FANCE: variants seen among roughly 807,000 people sequenced by gnomAD.
FANCE encodes FA complementation group E.
In FANCE, 42 loss-of-function variants were observed where a neutral mutation model predicts 57.8. The observed-to-expected ratio is 0.73, with a 90% CI of 0.57 to 0.94. The LOEUF (loss-of-function observed/expected upper bound fraction) is 0.94. Ranked by LOEUF, FANCE falls within the 40% of genes least tolerant of loss-of-function variation. FANCE has a pLI of 0.00. For missense variants in FANCE, 608 were observed against 661.8 expected (o/e 0.92, Z 0.89); for synonymous variants, 251 against 286.4 (o/e 0.88, Z 1.25).
chr6:35,458,230 TGA>T, intron 4 of FANCE, 65 bp from the exon 5 acceptor site: 1 of 1,592,864 alleles, frequency 6.3e-7, no homozygotes, highest in Admixed American at 1.7e-5. Flanking sequence ...TCCAGTTGCT[TGA>T]GACAGCCTAG....
At chr6:35,460,517 G>A (rs1165808590) in intron 7 of FANCE, 35 bp from the exon 8 acceptor site, 1 of 1,602,876 alleles carries the variant, frequency 6.2e-7, no homozygotes, top group African/African-American at 1.3e-5. Context: ...TGGGTGGGAG[G>A]CCAGGCATTT....
In FANCE at chr6:35,459,722, G is replaced by A. The variant is rs758380315; in HGVS notation, c.1278G>A (p.Met426Ile). The A allele has an allele frequency of 3.7e-5, 60 of 1,614,048 alleles. No individual in the cohort carries two copies. The South Asian group carries it at 6.1e-4, about 17-fold the overall frequency. ...AGTTACTGTGTTGCCTTGTGAAGAT[G>A]GAGTCCCTGGAGCCAGATGCACAGG... Reference protein sequence around the residue: ...QTELLCCLVKMESLEPDAQVL... With the variant: ...QTELLCCLVKIESLEPDAQVL... The change falls in exon 7 of 10, where the codon ATG becomes ATA. Residue 426 changes from methionine (M) to isoleucine (I), a missense_variant. Met to Ile is a conservative substitution (Grantham distance 10, BLOSUM62 1). Transcript: ENST00000229769.
chr6:35,463,028 C>T (rs1561794729), intron 9 of FANCE, 114 bp downstream of exon 9: 13 of 1,431,462 alleles, frequency 9.1e-6, no homozygotes, highest in South Asian at 8.1e-5. Flanking sequence ...TGGCCAGGCA[C>T]GGTGGCTCAC....
intron 1 of FANCE, 47 bp downstream of exon 1, chr6:35,452,840 C>A: frequency 7.8e-7 from 1 of 1,281,754 alleles, no homozygotes; most frequent in South Asian, 2.4e-5. Context: ...AGGCGGGGGG[C>A]TGTCGGGGGA....
chr6:35,463,934 G>A (rs6927202), intron 9 of FANCE, among the ~76,000 whole-genome samples: 21,863 of 152,040 alleles, frequency 0.14, 2,928 homozygotes, highest in African/African-American at 0.36. Flanking sequence ...AAAGTGCTGG[G>A]ATTACAGGCG....
At chr6:35,454,125 G>T (rs1421864104) in intron 1 of FANCE, among the ~76,000 whole-genome samples, 1 of 151,278 alleles carries the variant, frequency 6.6e-6, no homozygotes, top group Non-Finnish European at 1.5e-5. Context: ...GTGCAGTGGC[G>T]CAATCTTGGC....
At chr6:35,461,067 C>T (rs763260443) in intron 8 of FANCE, among the ~76,000 whole-genome samples, 2 of 152,044 alleles carry the variant, frequency 1.3e-5, no homozygotes, top group Non-Finnish European at 2.9e-5. Context: ...TACAGGCGTG[C>T]GCCACCACGC....
In FANCE at chr6:35,466,532, C is replaced by T; in HGVS notation, c.*187C>T. The T allele has an allele frequency of 1.6e-6, 1 of 630,276 alleles. No homozygotes were observed. Among genetic ancestry groups the T allele is most frequent in the Admixed American group, 2.6e-5 (1 of 38,776 alleles). The allele number at this position is 630,276 out of a possible 1,614,324, so 39.0% of individuals were successfully genotyped here. On this transcript the variant is annotated 3_prime_UTR_variant, in exon 10 of 10. Coordinates refer to ENST00000229769, the MANE Select transcript of FANCE (RefSeq NM_021922.3). ...TGGCTTCCCAGCCAGCAGGGAGGCTCCTGGGCTAAGGGAGCTCAGCTATAT... is the reference window on the plus strand; with the variant it reads ...TGGCTTCCCAGCCAGCAGGGAGGCTTCTGGGCTAAGGGAGCTCAGCTATAT...
chr6:35,464,208 T>G (rs1767709355), intron 9 of FANCE, among the ~76,000 whole-genome samples: 1 of 150,932 alleles, frequency 6.6e-6, no homozygotes, highest in South Asian at 2.1e-4. Flanking sequence ...TTAAATTTAA[T>G]TTTTCAAAAA....
rs1767333195 is a variant in FANCE at position 35,456,170 on chromosome 6, A to T, written c.672A>T (p.Glu224Asp). The change falls in exon 2 of 10, where the codon GAA becomes GAT. Residue 224 changes from glutamate to aspartate, a missense_variant. Coordinates refer to ENST00000229769, the MANE Select transcript of FANCE (RefSeq NM_021922.3). The surrounding 1 kb of genome is among the most constrained non-coding windows in gnomAD (Gnocchi z 4.3). The stretch of plus-strand genomic sequence containing the variant: ...TCCCCAAAAGATTACGGTGTTGGGA[A>T]GAGGAAGAAGATCATGAGAAGGAGA... ...KRVPKRLRCW[E>D]EEEDHEKERP... The T allele has an allele frequency of 6.2e-7, 1 of 1,614,196 alleles. No homozygotes were observed. Among genetic ancestry groups the T allele is most frequent in the Non-Finnish European group, 8.5e-7 (1 of 1,180,038 alleles).
rs1232848104 is a variant in FANCE at position 35,467,036 on chromosome 6, CCTT to C, written c.*694_*696del. The C allele has an allele frequency of 2.8e-5, 6 of 217,902 alleles. No individual in the cohort carries two copies. Among genetic ancestry groups the C allele is most frequent in the Admixed American group, 1.2e-4 (2 of 17,202 alleles). The allele number at this position is 217,902 out of a possible 1,614,324, so 13.5% of individuals were successfully genotyped here. ...GCTCTTGTGCTCATGTATATTATGACCTTCTGTGTTTTTGTTTCTGACTTGAAT... is the reference window on the plus strand; with the variant it reads ...GCTCTTGTGCTCATGTATATTATGACCTGTGTTTTTGTTTCTGACTTGAAT... On this transcript the variant is annotated 3_prime_UTR_variant, in exon 10 of 10. Transcript: ENST00000229769.
At chr6:35,457,446 C>T in intron 2 of FANCE, 110 bp from the exon 3 acceptor site, 1 of 1,212,264 alleles carries the variant, frequency 8.2e-7, no homozygotes, top group Non-Finnish European at 1.2e-6. Context: ...ATCATCTTTG[C>T]CAGCTAGCTC....
chr6:35,460,669 G>A (rs1044357468), intron 8 of FANCE, 51 bp downstream of exon 8: 5 of 1,533,442 alleles, frequency 3.3e-6, no homozygotes, highest in African/African-American at 2.7e-5. Flanking sequence ...TGCAGTCCTT[G>A]GAAGCACACG....
intron 8 of FANCE, 36 bp from the exon 9 acceptor site, chr6:35,462,753 T>C: frequency 6.2e-7 from 1 of 1,613,710 alleles, no homozygotes; most frequent in Non-Finnish European, 8.5e-7. Flanking sequence ...CCCAAGCCTT[T>C]CTTGTGATTA....
rs1424976539 is a variant in FANCE, at chr6:35,456,034, A to T, written c.536A>T (p.Lys179Ile). ...RGLGLGGRRLKSPQAPDPEEE... is the reference protein window; with the variant it reads ...RGLGLGGRRLISPQAPDPEEE... ...CTGGGCCTGGGGGGCAGGAGGTTGAAATCCCCCCAGGCTCCAGACCCTGAA... is the reference window on the plus strand; with the variant it reads ...CTGGGCCTGGGGGGCAGGAGGTTGATATCCCCCCAGGCTCCAGACCCTGAA... The change falls in exon 2 of 10, where the codon AAA (lysine) becomes ATA (isoleucine). Residue 179 changes from lysine (K) to isoleucine (I), a missense_variant. By Grantham distance (102) the Lys-to-Ile change is moderately radical (BLOSUM62 -3). Coordinates refer to ENST00000229769, the MANE Select transcript of FANCE (RefSeq NM_021922.3). The surrounding 1 kb of genome is among the most constrained non-coding windows in gnomAD (Gnocchi z 4.3). 6.2e-7 allele frequency: 1 copy of T among 1,612,858 alleles called. No individual in the cohort carries two copies. The highest frequency in any genetic ancestry group is 1.3e-5 in the African/African-American group (1 of 74,976).
In FANCE at chr6:35,466,426, A is replaced by G; in HGVS notation, c.*81A>G. ...TTTCTTTCTTCACCACCTTGTCTTG[A>G]GCCCTAGCCTGAGGATAAAGGCTGA... On this transcript the variant is annotated 3_prime_UTR_variant, in exon 10 of 10. Coordinates refer to ENST00000229769, the MANE Select transcript of FANCE (RefSeq NM_021922.3). 1.1e-6 allele frequency: 1 copy of G among 940,362 alleles called. No homozygotes were observed. Among genetic ancestry groups the G allele is most frequent in the African/African-American group, 1.6e-5 (1 of 62,056 alleles). The allele number at this position is 940,362 out of a possible 1,614,324, so 58.3% of individuals were successfully genotyped here.
intron 7 of FANCE, among the ~76,000 whole-genome samples, chr6:35,460,126 G>C (rs541783902): frequency 2.5e-5 from 3 of 118,682 alleles, no homozygotes; most frequent in Admixed American, 9.7e-5. Flanking sequence ...GGCGGGGGGT[G>C]GGGGGTGGGG....
Position 35,456,287 on chromosome 6 carries a change from G to C in FANCE, c.789G>C (p.Glu263Asp), listed in dbSNP as rs192036100. The C allele has an allele frequency of 1.1e-5, 17 of 1,614,082 alleles. No individual in the cohort carries two copies. Among genetic ancestry groups the C allele is most frequent in the Non-Finnish European group, 1.4e-5 (16 of 1,180,046 alleles). ...DQPVMAVKTG[E>D]DGSNLDDAKG... Reference sequence around the variant, plus strand: ...CTGTCATGGCAGTTAAGACTGGCGAGGACGGTTCGAATCTGGATGATGCTA... The same window carrying C: ...CTGTCATGGCAGTTAAGACTGGCGACGACGGTTCGAATCTGGATGATGCTA... Residue 263 changes from glutamate to aspartate, a missense_variant, in exon 2 of 10, where the codon GAG becomes GAC. Physicochemically the swap from Glu to Asp is conservative, Grantham distance 45. Coordinates refer to ENST00000229769, the MANE Select transcript of FANCE (RefSeq NM_021922.3). The surrounding 1 kb of genome is among the most constrained non-coding windows in gnomAD (Gnocchi z 4.3).
chr6:35,461,967 C>G (rs1481508483), intron 8 of FANCE, among the ~76,000 whole-genome samples: 2 of 151,032 alleles, frequency 1.3e-5, no homozygotes, highest in African/African-American at 4.9e-5. Flanking sequence ...TTCTTTATGC[C>G]TGTGGTTTCC....
Sources: allele counts gnomAD v4.1 joint callset (sites outside exome capture counted in the v4.1 genomes callset), GRCh38; gene constraint gnomAD v4.1.1; non-coding constraint Gnocchi (gnomAD v3.1); transcripts MANE v1.5; gene names NCBI Gene and HGNC (gene_info 2026-07-23, HGNC 2026-07-21).